KCND2: variants seen among roughly 807,000 people sequenced by gnomAD.
KCND2 encodes potassium voltage-gated channel subfamily D member 2.
Under a neutral mutation model 54.4 loss-of-function variants are expected in KCND2, and 16 were observed. That is an observed-to-expected ratio of 0.29 (90% CI 0.20 to 0.45). The LOEUF (loss-of-function observed/expected upper bound fraction) is 0.45. Among genes scored for constraint, KCND2 ranks in the 20% least tolerant of loss-of-function variants. KCND2 has a pLI of 1.00. For synonymous variants in KCND2, 317 were observed against 310.7 expected (o/e 1.02, Z -0.21); for missense variants, 486 against 824.2 (o/e 0.59, Z 5.02).
intron 1 of KCND2, among the ~76,000 whole-genome samples, chr7:120,611,894 C>T (rs1792960724): frequency 6.6e-6 from 1 of 152,140 alleles, no homozygotes; most frequent in African/African-American, 2.4e-5. Flanking sequence ...ATCTTTGGCT[C>T]ATGGTGTTTA....
At chr7:120,548,880 C>T (rs932366633) in intron 1 of KCND2, among the ~76,000 whole-genome samples, 1 of 152,194 alleles carries the variant, frequency 6.6e-6, no homozygotes, top group African/African-American at 2.4e-5. Flanking sequence ...AGATGCTGAG[C>T]ATCATACAAA....
intron 1 of KCND2, among the ~76,000 whole-genome samples, chr7:120,351,073 T>C (rs1402462134): frequency 1.3e-5 from 2 of 151,734 alleles, no homozygotes; most frequent in Non-Finnish European, 2.9e-5. Flanking sequence ...AATTATTATC[T>C]ACATTAAATA....
chr7:120,600,284 G>A (rs1372266346), intron 1 of KCND2, among the ~76,000 whole-genome samples: 1 of 151,760 alleles, frequency 6.6e-6, no homozygotes, highest in Non-Finnish European at 1.5e-5. Flanking sequence ...AGCTTTTTTA[G>A]TCTCTGTAAG....
chr7:120,341,982 G>A (rs1248517330), intron 1 of KCND2, among the ~76,000 whole-genome samples: 2 of 152,094 alleles, frequency 1.3e-5, no homozygotes, highest in African/African-American at 4.8e-5. Flanking sequence ...GTGTCAATGT[G>A]ATCCCATCTC....
chr7:120,516,930 G>A lies in KCND2; in HGVS notation c.1116-215973G>A, dbSNP rs73217272. 4.4e-3 allele frequency among the ~76,000 whole-genome samples: 676 copies of A among 152,116 alleles called. 5 individuals carry two copies. Among genetic ancestry groups the A allele is most frequent in the Admixed American group, 0.027 (418 of 15,256 alleles). On this transcript the variant is annotated intron_variant, in intron 1 of 5. Transcript: ENST00000331113. ...GTGTTGTGTAAAACTACATAAAATG[G>A]TGGACATCCTGAAGTTGTTCTGAAA...
chr7:120,303,487 G>A (rs1333831327), intron 1 of KCND2, among the ~76,000 whole-genome samples: 4 of 152,086 alleles, frequency 2.6e-5, no homozygotes, highest in Non-Finnish European at 4.4e-5. Context: ...TTCTCCTAAA[G>A]TATCATCTTA....
rs1331055851 is a variant in KCND2 at position 120,523,688 on chromosome 7, T to TACAC, written c.1116-209204_1116-209201dup. Among the ~76,000 whole-genome samples the TACAC allele has an allele frequency of 9.5e-3, 1,303 of 136,514 alleles. 25 individuals are homozygous for TACAC. The highest frequency in any genetic ancestry group is 0.033 in the African/African-American group (1,180 of 35,790). The allele number at this position is 136,514 out of a possible 152,430, so 89.6% of individuals were successfully genotyped here. A position where few individuals can be genotyped will look rare whatever the true frequency, so the allele number is the denominator to read the frequency against. On this transcript the variant is annotated intron_variant, in intron 1 of 5. Coordinates refer to ENST00000331113, the MANE Select transcript of KCND2 (RefSeq NM_012281.3). ...GTCCACATATATTTATACACAGATATACACACACACACACTCTGTGTGTGT... is the reference window on the plus strand; with the variant it reads ...GTCCACATATATTTATACACAGATATACACACACACACACACACTCTGTGTGTGT...
At chr7:120,674,559 G>A (rs1035157828) in intron 1 of KCND2, among the ~76,000 whole-genome samples, 4 of 152,192 alleles carry the variant, frequency 2.6e-5, no homozygotes, top group African/African-American at 9.7e-5. Flanking sequence ...TGAGGGATAA[G>A]CCATTAGTAG....
chr7:120,492,299 A>G lies in KCND2; in HGVS notation c.1115+216552A>G, dbSNP rs73437806. ...GTGAATTTCTTGAAGTCACTTTTAGACAAACTTTTGAGTACCACACCAAAA... is the reference window on the plus strand; with the variant it reads ...GTGAATTTCTTGAAGTCACTTTTAGGCAAACTTTTGAGTACCACACCAAAA... On this transcript the variant is annotated intron_variant, in intron 1 of 5. Transcript: ENST00000331113. Among the ~76,000 whole-genome samples the G allele has an allele frequency of 7.7e-3, 1,166 of 152,230 alleles. 14 individuals are homozygous for G. The highest frequency in any genetic ancestry group is 0.026 in the African/African-American group (1,090 of 41,566).
intron 1 of KCND2, among the ~76,000 whole-genome samples, chr7:120,594,888 C>T (rs934252054): frequency 6.6e-6 from 1 of 151,734 alleles, no homozygotes; most frequent in African/African-American, 2.4e-5. Flanking sequence ...GGCATGGTAG[C>T]GTGTGCCTCT....
At chr7:120,647,492 G>A (rs964063884) in intron 1 of KCND2, among the ~76,000 whole-genome samples, 3 of 151,938 alleles carry the variant, frequency 2.0e-5, no homozygotes, top group Non-Finnish European at 2.9e-5. Flanking sequence ...CTTCCCCCTT[G>A]CTTTAAAAAC....
intron 1 of KCND2, among the ~76,000 whole-genome samples, chr7:120,414,402 T>C (rs10488292): frequency 0.066 from 9,980 of 152,228 alleles, 1,082 homozygotes; most frequent in East Asian, 0.53. Flanking sequence ...ACTATTTTGT[T>C]ATTATGGATC....
At chr7:120,672,711 G>T (rs1792007022) in intron 1 of KCND2, among the ~76,000 whole-genome samples, 1 of 152,000 alleles carries the variant, frequency 6.6e-6, no homozygotes, top group South Asian at 2.1e-4. Flanking sequence ...TGTCTCCCTA[G>T]AAATTCATAT....
intron 1 of KCND2, among the ~76,000 whole-genome samples, chr7:120,276,401 C>T (rs1414661875): frequency 6.6e-6 from 1 of 152,068 alleles, no homozygotes; most frequent in Non-Finnish European, 1.5e-5. Context: ...AAATTTGCAA[C>T]ATATTTCAAG....
intron 1 of KCND2, among the ~76,000 whole-genome samples, chr7:120,339,016 G>A (rs568002240): frequency 6.6e-6 from 1 of 151,812 alleles, no homozygotes; most frequent in South Asian, 2.1e-4. Context: ...GAGTAGCTGG[G>A]ACTATAGGCA....
At chr7:120,682,653 A>G (rs1248595592) in intron 1 of KCND2, among the ~76,000 whole-genome samples, 1 of 152,156 alleles carries the variant, frequency 6.6e-6, no homozygotes, top group Non-Finnish European at 1.5e-5. Context: ...CTGAAAAAAT[A>G]CTTCAGAAAT....
chr7:120,741,588 A>G lies in KCND2; in HGVS notation c.1333A>G (p.Met445Val). The G allele has an allele frequency of 6.2e-7, 1 of 1,613,330 alleles. No homozygotes were observed. The highest frequency in any genetic ancestry group is 8.5e-7 in the Non-Finnish European group (1 of 1,179,452). Residue 445 changes from methionine to valine, a missense_variant, in exon 3 of 6, where the codon ATG (methionine) becomes GTG (valine). Met to Val is a conservative substitution (Grantham distance 21). This residue lies in a region of KCND2 where 202 missense variants were observed against 252.7 expected (regional missense o/e 0.80). Transcript: ENST00000331113. ...AAKSGSANAYMQSKRNGLLSN... is the reference protein window; with the variant it reads ...AAKSGSANAYVQSKRNGLLSN... ...CAAAAGCGGAAGCGCAAATGCTTAC[A>G]TGCAGAGCAAACGGAATGGTTTACT...
At chr7:120,603,763 T>C (rs1249729159) in intron 1 of KCND2, among the ~76,000 whole-genome samples, 1 of 152,204 alleles carries the variant, frequency 6.6e-6, no homozygotes, top group Non-Finnish European at 1.5e-5. Flanking sequence ...TGAAAACATA[T>C]TTTTGCAAGA....
intron 1 of KCND2, among the ~76,000 whole-genome samples, chr7:120,510,441 A>G (rs904706899): frequency 6.6e-6 from 1 of 152,104 alleles, no homozygotes; most frequent in African/African-American, 2.4e-5. Context: ...TGTCAATCCA[A>G]TGAAGATGTG....
Sources: gnomAD v4.1 joint callset for allele counts (sites outside exome capture counted in the v4.1 genomes callset) on GRCh38, gnomAD v4.1.1 for gene constraint, gnomAD v4.1.1 regional missense constraint, MANE v1.5 for transcripts, NCBI Gene and HGNC (gene_info 2026-07-23, HGNC 2026-07-21) for gene names.